The following MOXD1 variants were observed in gnomAD, a reference collection of about 807,000 sequenced individuals.
MOXD1 encodes monooxygenase DBH like 1.
In MOXD1, 62 loss-of-function variants were observed where a neutral mutation model predicts 66.6. That is an observed-to-expected ratio of 0.93 (90% CI 0.76 to 1.15). The LOEUF is 1.15. Among genes scored for constraint, MOXD1 ranks in the 50% most tolerant of loss-of-function variants. The pLI, the probability that MOXD1 is intolerant of heterozygous loss-of-function variation, is 0.00. For synonymous variants in MOXD1, 303 were observed against 281.9 expected (o/e 1.07, Z -0.75); for missense variants, 847 against 754.6 (o/e 1.12, Z -1.44).
intron 4 of MOXD1, among the ~76,000 whole-genome samples, chr6:132,329,331 A>G (rs938850325): frequency 6.6e-6 from 1 of 152,170 alleles, no homozygotes; most frequent in African/African-American, 2.4e-5. Context: ...ATAGTATTCC[A>G]TGGTGTATAT....
At chr6:132,342,143 G>A (rs910721639) in intron 4 of MOXD1, among the ~76,000 whole-genome samples, 1 of 151,980 alleles carries the variant, frequency 6.6e-6, no homozygotes, top group African/African-American at 2.4e-5. Context: ...GCTGGGATTA[G>A]AGGCATGTGC....
At chr6:132,365,112 A>G (rs1776092739) in intron 4 of MOXD1, among the ~76,000 whole-genome samples, 1 of 145,104 alleles carries the variant, frequency 6.9e-6, no homozygotes, top group Admixed American at 6.8e-5. Flanking sequence ...GGGAATTTAA[A>G]GATAAAAAAG....
Position 132,312,901 on chromosome 6 carries a change from C to A in MOXD1, c.1508+2734G>T, listed in dbSNP as rs181760166. ...TGTTTTTAACATTCTCTCAAATTAA[C>A]CATCGATTAGAAAATTTCCATTCAA... On this transcript the variant is annotated intron_variant, in intron 10 of 11. Transcript: ENST00000367963. Among the ~76,000 whole-genome samples, 271 of 151,670 alleles carry A rather than the reference C, an allele frequency of 1.8e-3. 4 individuals carry two copies. Among genetic ancestry groups the A allele is most frequent in the Non-Finnish European group, 3.5e-3 (238 of 67,918 alleles).
intron 4 of MOXD1, among the ~76,000 whole-genome samples, chr6:132,339,188 TAC>T: frequency 6.6e-6 from 1 of 152,212 alleles, no homozygotes; most frequent in Non-Finnish European, 1.5e-5. Context: ...ATATTTTCTC[TAC>T]AGAGATCTTT....
In MOXD1 at chr6:132,322,686, A is replaced by G. The variant is rs764894512; in HGVS notation, c.1298T>C (p.Ile433Thr). ...EFQYLKEEQTILPGDNLITEC... is the reference protein window; with the variant it reads ...EFQYLKEEQTTLPGDNLITEC... ...GAACAAAAACATGCATACTGGTAAG[A>G]TTGTTTGTTCTTCCTTTAGATACTG... is the stretch of plus-strand genomic sequence containing the variant. Residue 433 changes from isoleucine (I) to threonine (T), a missense_variant, in exon 8 of 12, where the codon ATC (isoleucine) becomes ACC (threonine). By Grantham distance (89) the Ile-to-Thr change is moderately conservative. Transcript: ENST00000367963. The G allele has an allele frequency of 1.2e-6, 2 of 1,613,092 alleles. No individual in the cohort carries two copies. The highest frequency in any genetic ancestry group is 2.7e-5 in the African/African-American group (2 of 74,886).
chr6:132,398,936 A>AC (rs1554239403), intron 1 of MOXD1, among the ~76,000 whole-genome samples: 5,870 of 55,134 alleles, frequency 0.11, 149 homozygotes, highest in African/African-American at 0.26. Flanking sequence ...AGACTTTGTC[A>AC]AAAAAAAAAA....
At chr6:132,400,907 G>T (rs1039275671) in intron 1 of MOXD1, among the ~76,000 whole-genome samples, 9 of 152,088 alleles carry the variant, frequency 5.9e-5, no homozygotes, top group Non-Finnish European at 1.3e-4. Context: ...TAAGTGGGGC[G>T]CTGGGGACAG....
chr6:132,310,599 A>G (rs1415294852), intron 10 of MOXD1, among the ~76,000 whole-genome samples: 2 of 152,304 alleles, frequency 1.3e-5, no homozygotes, highest in Non-Finnish European at 1.5e-5. Flanking sequence ...ACCAACCCAA[A>G]TGCCCATCAG....
chr6:132,327,924 T>A, intron 6 of MOXD1, 89 bp downstream of exon 6: 2 of 956,822 alleles, frequency 2.1e-6, no homozygotes, highest in Non-Finnish European at 3.3e-6. Context: ...TAACACTGGC[T>A]GCTATTTTGT....
intron 10 of MOXD1, among the ~76,000 whole-genome samples, chr6:132,303,706 CAT>C (rs906092319): frequency 1.6e-4 from 22 of 136,778 alleles, no homozygotes; most frequent in African/African-American, 5.2e-4. Flanking sequence ...TGACTGTATA[CAT>C]ACACACACAC....
Position 132,297,840 on chromosome 6 carries a change from G to A in MOXD1, c.1624C>T (p.Leu542Phe). Residue 542 changes from leucine to phenylalanine, a missense_variant, in exon 11 of 12, where the codon CTC becomes TTC. By Grantham distance (22) the Leu-to-Phe change is conservative. Transcript: ENST00000367963. Reference sequence around the variant, plus strand: ...CATCTCACATTCACTGGCAGGCTGAGGACCAGCTTGTTGAAGGAGAGACCT... The same window carrying A: ...CATCTCACATTCACTGGCAGGCTGAAGACCAGCTTGTTGAAGGAGAGACCT... ...KEGLSFNKLV[L>F]SLPVNVRCSK... is the part of the protein sequence containing the mutation. 6.2e-7 allele frequency: 1 copy of A among 1,613,216 alleles called. No individual in the cohort carries two copies. The highest frequency in any genetic ancestry group is 2.2e-5 in the East Asian group (1 of 44,838).
At chr6:132,303,932 A>G (rs1177246669) in intron 10 of MOXD1, among the ~76,000 whole-genome samples, 1 of 142,102 alleles carries the variant, frequency 7.0e-6, no homozygotes, top group Non-Finnish European at 1.5e-5. Context: ...GGACCAATCC[A>G]ATCCATTCTC....
At chr6:132,353,795 C>T (rs1775853513) in intron 4 of MOXD1, among the ~76,000 whole-genome samples, 1 of 152,096 alleles carries the variant, frequency 6.6e-6, no homozygotes, top group Non-Finnish European at 1.5e-5. Flanking sequence ...TCAGGAATAC[C>T]TCTTCCTTAT....
chr6:132,297,292 G>T lies in MOXD1; in HGVS notation c.1703C>A (p.Pro568Gln). The change falls in exon 12 of 12, where the codon CCA (proline) becomes CAA (glutamine). Residue 568 changes from proline to glutamine, a missense_variant. Transcript: ENST00000367963. ...WSIQGMTALP[P>Q]DIERPYKAEP... ...TGCTTTATAGGGTCTTTCTATATCTGGAGGTAATGCTGTCATTCCTTGAAT... is the reference window on the plus strand; with the variant it reads ...TGCTTTATAGGGTCTTTCTATATCTTGAGGTAATGCTGTCATTCCTTGAAT... 6.2e-7 allele frequency: 1 copy of T among 1,612,962 alleles called. No individual in the cohort carries two copies. The highest frequency in any genetic ancestry group is 8.5e-7 in the Non-Finnish European group (1 of 1,179,378).
intron 1 of MOXD1, among the ~76,000 whole-genome samples, chr6:132,378,873 C>CTTTTT: frequency 1.5e-5 from 1 of 68,804 alleles, no homozygotes; most frequent in Non-Finnish European, 3.4e-5. Flanking sequence ...AGAACACTTC[C>CTTTTT]TCTTTTTTTT....
At chr6:132,400,114 T>C (rs975924581) in intron 1 of MOXD1, among the ~76,000 whole-genome samples, 71 of 152,326 alleles carry the variant, frequency 4.7e-4, no homozygotes, top group African/African-American at 1.6e-3. Context: ...GAATCAGCGT[T>C]CAAGTTTGAT....
rs1314819790 is a variant in MOXD1 at position 132,324,104 on chromosome 6, C to CA, written c.947-8dup. The stretch of plus-strand genomic sequence containing the variant: ...CCAGAATTATCTATTAAGCCTAGAA[C>CA]AAAAGCACATAATTAAAGTGATTTT... On this transcript the variant is annotated splice_region_variant and splice_polypyrimidine_tract_variant and intron_variant, in intron 6 of 11. Coordinates refer to ENST00000367963, the MANE Select transcript of MOXD1 (RefSeq NM_015529.4). 1 of 1,607,494 alleles carries CA rather than the reference C, an allele frequency of 6.2e-7. No individual in the cohort carries two copies. Among genetic ancestry groups the CA allele is most frequent in the Non-Finnish European group, 8.5e-7 (1 of 1,177,472 alleles).
chr6:132,398,742 C>T (rs1299034234), intron 1 of MOXD1, among the ~76,000 whole-genome samples: 2 of 151,662 alleles, frequency 1.3e-5, no homozygotes, highest in Non-Finnish European at 2.9e-5. Flanking sequence ...GAGTTTGAGA[C>T]CAGCCTGGCC....
intron 4 of MOXD1, among the ~76,000 whole-genome samples, chr6:132,363,767 A>G (rs987891048): frequency 4.6e-5 from 7 of 152,176 alleles, no homozygotes; most frequent in African/African-American, 7.2e-5. Context: ...AAAAAACAAG[A>G]AAGTATTTTA....
Sources: gnomAD v4.1 joint callset for allele counts (sites outside exome capture counted in the v4.1 genomes callset) on GRCh38, gnomAD v4.1.1 for gene constraint, MANE v1.5 for transcripts, NCBI Gene and HGNC (gene_info 2026-07-23, HGNC 2026-07-21) for gene names.